Variants in CAMTA1 observed in about 807,000 individuals in gnomAD.
CAMTA1 encodes calmodulin-binding transcription activator 1.
In CAMTA1, 27 loss-of-function variants were observed where a neutral mutation model predicts 170.9. That is an observed-to-expected ratio of 0.16 (90% CI 0.12 to 0.22). The LOEUF (loss-of-function observed/expected upper bound fraction) is 0.22. Ranked by LOEUF, CAMTA1 falls within the 10% of genes least tolerant of loss-of-function variation. CAMTA1 has a pLI of 1.00. For missense variants in CAMTA1, 1,619 were observed against 2,217.2 expected (o/e 0.73, Z 5.42); for synonymous variants, 833 against 891.5 (o/e 0.93, Z 1.17).
intron 3 of CAMTA1, among the ~76,000 whole-genome samples, chr1:6,886,662 A>G (rs986107601): frequency 7.2e-5 from 11 of 152,264 alleles, no homozygotes; most frequent in Non-Finnish European, 1.2e-4. Context: ...AATCAGTCCC[A>G]AATTTGGGAA....
intron 6 of CAMTA1, among the ~76,000 whole-genome samples, chr1:7,545,242 T>C (rs1393608910): frequency 6.6e-6 from 1 of 152,200 alleles, no homozygotes; most frequent in South Asian, 2.1e-4. Context: ...CAAAGAAACT[T>C]TTTTCTGAAC....
At chr1:7,643,831 G>C (rs752780582) in intron 7 of CAMTA1, among the ~76,000 whole-genome samples, 7 of 152,206 alleles carry the variant, frequency 4.6e-5, no homozygotes, top group Non-Finnish European at 1.0e-4. Context: ...CTGGAAATGC[G>C]GCTGCAGGAG....
Position 7,663,515 on chromosome 1 carries a change from G to C in CAMTA1, c.968G>C (p.Arg323Pro). Residue 323 changes from arginine to proline, a missense_variant, in exon 9 of 23, where the codon CGT becomes CCT. Transcript: ENST00000303635. ...HEHSHSKGSSREKRNGKVAKP... is the reference protein window; with the variant it reads ...HEHSHSKGSSPEKRNGKVAKP... ...CACAGCCACAGCAAGGGCTCCAGCC[G>C]TGAGAAGAGGAACGGCAAGGTGGCC... The C allele has an allele frequency of 6.2e-7, 1 of 1,602,668 alleles. No homozygotes were observed. Among genetic ancestry groups the C allele is most frequent in the Non-Finnish European group, 8.5e-7 (1 of 1,171,064 alleles).
intron 4 of CAMTA1, among the ~76,000 whole-genome samples, chr1:7,218,792 G>A (rs1167428461): frequency 6.6e-6 from 1 of 152,208 alleles, no homozygotes; most frequent in East Asian, 1.9e-4. Context: ...TTCTGGGTGG[G>A]AACTCAAGAA....
intron 4 of CAMTA1, among the ~76,000 whole-genome samples, chr1:7,174,809 G>T (rs1650429127): frequency 6.6e-6 from 1 of 152,162 alleles, no homozygotes; most frequent in Non-Finnish European, 1.5e-5. Flanking sequence ...GTGCCCCACG[G>T]CCCAGGCGAG....
intron 6 of CAMTA1, among the ~76,000 whole-genome samples, chr1:7,587,266 G>A (rs1003401375): frequency 1.3e-5 from 2 of 152,056 alleles, no homozygotes; most frequent in Non-Finnish European, 2.9e-5. Context: ...CGGCCCTGCT[G>A]TGCCTGGCAG....
intron 5 of CAMTA1, among the ~76,000 whole-genome samples, chr1:7,452,720 A>G (rs776962108): frequency 5.3e-4 from 80 of 152,252 alleles, no homozygotes; most frequent in Non-Finnish European, 5.0e-4. Context: ...CTCGGGGTGG[A>G]TAACGTTCCA....
intron 5 of CAMTA1, among the ~76,000 whole-genome samples, chr1:7,379,973 C>T (rs1437219646): frequency 1.3e-5 from 2 of 152,188 alleles, no homozygotes; most frequent in Non-Finnish European, 2.9e-5. Flanking sequence ...AAGGGCTGTT[C>T]TTAATCAGTA....
At chr1:7,208,948 G>C (rs1368787773) in intron 4 of CAMTA1, among the ~76,000 whole-genome samples, 3 of 152,160 alleles carry the variant, frequency 2.0e-5, no homozygotes, top group Admixed American at 2.0e-4. Flanking sequence ...CTGGCATGGG[G>C]CTGTGGTTGA....
At chr1:6,858,818 T>C (rs1223053388) in intron 3 of CAMTA1, among the ~76,000 whole-genome samples, 3 of 152,236 alleles carry the variant, frequency 2.0e-5, no homozygotes, top group African/African-American at 7.2e-5. Context: ...ATCTAACTTC[T>C]GACTGTGCAG....
intron 6 of CAMTA1, among the ~76,000 whole-genome samples, chr1:7,500,963 G>A (rs1388996308): frequency 6.6e-6 from 1 of 152,148 alleles, no homozygotes; most frequent in Non-Finnish European, 1.5e-5. Context: ...CGTAGCCCAG[G>A]CCGAGAGCCA....
At chr1:7,573,702 G>T (rs2095153053) in intron 6 of CAMTA1, among the ~76,000 whole-genome samples, 2 of 152,208 alleles carry the variant, frequency 1.3e-5, no homozygotes, top group Admixed American at 1.3e-4. Flanking sequence ...TGCCTCTAGT[G>T]TGTCTCTCCA....
chr1:7,419,960 T>C (rs2091451592), intron 5 of CAMTA1, among the ~76,000 whole-genome samples: 1 of 152,136 alleles, frequency 6.6e-6, no homozygotes, highest in Non-Finnish European at 1.5e-5. Flanking sequence ...TCCATCCTGA[T>C]CATCATAACA....
At chr1:7,498,333 G>C (rs1047894208) in intron 6 of CAMTA1, among the ~76,000 whole-genome samples, 9 of 150,430 alleles carry the variant, frequency 6.0e-5, no homozygotes, top group African/African-American at 2.2e-4. Context: ...AGTGAGTGTG[G>C]ATGTGTATGA....
intron 5 of CAMTA1, among the ~76,000 whole-genome samples, chr1:7,311,269 C>T (rs1452451498): frequency 2.6e-5 from 4 of 152,304 alleles, no homozygotes; most frequent in East Asian, 3.9e-4. Flanking sequence ...TTGGTATCAT[C>T]TCATAGTTCC....
chr1:6,868,213 A>C (rs1347043574), intron 3 of CAMTA1, among the ~76,000 whole-genome samples: 1 of 151,972 alleles, frequency 6.6e-6, no homozygotes, highest in East Asian at 1.9e-4. Context: ...AAGAGTTAGT[A>C]GAATGTGTAA....
chr1:7,518,255 CT>C (rs1412017477), intron 6 of CAMTA1, among the ~76,000 whole-genome samples: 5 of 151,972 alleles, frequency 3.3e-5, no homozygotes, highest in Non-Finnish European at 7.3e-5. Context: ...GATTCCCAGA[CT>C]TCTAGAAGCC....
intron 3 of CAMTA1, among the ~76,000 whole-genome samples, chr1:6,945,106 C>T (rs753088288): frequency 6.6e-6 from 1 of 152,092 alleles, no homozygotes; most frequent in Non-Finnish European, 1.5e-5. Context: ...ATCCTGTCCA[C>T]CTAGAGCAGT....
At chr1:6,850,532 G>A (rs2148799789) in intron 3 of CAMTA1, among the ~76,000 whole-genome samples, 1 of 152,312 alleles carries the variant, frequency 6.6e-6, no homozygotes, top group East Asian at 1.9e-4. Context: ...GATAGACTAA[G>A]TTGTTGGGCC....
Sources: allele counts gnomAD v4.1 joint callset (sites outside exome capture counted in the v4.1 genomes callset), GRCh38; gene constraint gnomAD v4.1.1; transcripts MANE v1.5; gene names NCBI Gene and HGNC (gene_info 2026-07-23, HGNC 2026-07-21).